Variants in SLC25A24 observed in about 807,000 individuals in gnomAD.
The protein encoded by SLC25A24 is mitochondrial adenyl nucleotide antiporter SLC25A24.
In SLC25A24, 49 loss-of-function variants were observed where a neutral mutation model predicts 60.7. The ratio of observed to expected loss-of-function variants is 0.81; its 90% CI spans 0.64 to 1.02. The LOEUF (loss-of-function observed/expected upper bound fraction) is 1.02, where lower values mean the gene tolerates loss of function less well. Ranked by LOEUF, SLC25A24 falls within the 50% of genes least tolerant of loss-of-function variation. The probability of loss-of-function intolerance (pLI) is 0.00; values close to 1 mark genes in which losing one functional copy is unlikely to be tolerated. For synonymous variants in SLC25A24, 202 were observed against 200.6 expected, an observed-to-expected ratio of 1.01 and a Z score of -0.06; for missense variants, 564 against 586.3, an observed-to-expected ratio of 0.96 and a Z score of 0.39.
Position 108,199,951 on chromosome 1 carries a change from C to T in SLC25A24, c.183+5G>A. 1 of 1,601,072 alleles carries T rather than the reference C, an allele frequency of 6.2e-7. No homozygotes were observed. The highest frequency in any genetic ancestry group is 8.5e-7 in the Non-Finnish European group (1 of 1,174,480). The stretch of plus-strand genomic sequence containing the variant: ...CGCTCAGGCGGCGCCCCGGCGGCGA[C>T]CCACCTCCTCGGCGTCCTGGCCCAG... On this transcript the variant is annotated splice_donor_5th_base_variant and intron_variant, in intron 1 of 9. Coordinates refer to ENST00000565488, the MANE Select transcript of SLC25A24 (RefSeq NM_013386.5).
intron 3 of SLC25A24, among the ~76,000 whole-genome samples, chr1:108,181,706 T>G (rs1446918737): frequency 1.3e-5 from 2 of 152,212 alleles, no homozygotes; most frequent in African/African-American, 2.4e-5. Flanking sequence ...CTTCCTGCCA[T>G]TCCACTATCC....
intron 1 of SLC25A24, chr1:108,198,642 T>C (rs946240129): frequency 2.6e-5 from 4 of 152,236 alleles, no homozygotes; most frequent in Admixed American, 2.0e-4. Context: ...CTCAAGCTTT[T>C]TGATCTCAGG....
At chr1:108,193,395 C>A (rs1648406321) in intron 1 of SLC25A24, among the ~76,000 whole-genome samples, 1 of 137,222 alleles carries the variant, frequency 7.3e-6, no homozygotes, top group Non-Finnish European at 1.6e-5. Flanking sequence ...GCCCCATTTA[C>A]CCAAGGTTTA....
chr1:108,144,692 G>C (rs866028448), intron 7 of SLC25A24, among the ~76,000 whole-genome samples: 7 of 152,088 alleles, frequency 4.6e-5, no homozygotes, highest in Non-Finnish European at 8.8e-5. Flanking sequence ...TTGGTTTTCT[G>C]TTCCTGTGTT....
At chr1:108,190,864 G>A (rs1463100138) in intron 1 of SLC25A24, among the ~76,000 whole-genome samples, 1 of 138,260 alleles carries the variant, frequency 7.2e-6, no homozygotes, top group Non-Finnish European at 1.6e-5. Context: ...TGTGTGGTTG[G>A]TGCAGAATTC....
chr1:108,189,546 G>A (rs1342840978), intron 1 of SLC25A24, among the ~76,000 whole-genome samples: 1 of 152,016 alleles, frequency 6.6e-6, no homozygotes, highest in Non-Finnish European at 1.5e-5. Context: ...GGCGCATGGT[G>A]GCTCACGCCT....
At chr1:108,180,698 A>G (rs942787797) in intron 3 of SLC25A24, among the ~76,000 whole-genome samples, 7 of 148,262 alleles carry the variant, frequency 4.7e-5, no homozygotes, top group Admixed American at 1.4e-4. Flanking sequence ...GAAGGGGTCT[A>G]TCTGCAAGCC....
At position 108,163,986 on chromosome 1, in the gene SLC25A24, A is replaced by C. The variant is rs1395062464; in HGVS notation, c.399-2693T>G. On this transcript the variant is annotated intron_variant, in intron 3 of 9. Transcript: ENST00000565488. ...ATCCCATCAATACCTAATTTATTGA[A>C]AGTTTTTAGCATGAAGTGTTGTTGA... 9.2e-5 allele frequency among the ~76,000 whole-genome samples: 14 copies of C among 152,150 alleles called. No homozygotes were observed. The East Asian group carries it at 2.5e-3, about 27-fold the overall frequency.
At chr1:108,161,877 T>A (rs10881509) in intron 3 of SLC25A24, among the ~76,000 whole-genome samples, 76,244 of 150,816 alleles carry the variant, frequency 0.51, 19,872 homozygotes, top group African/African-American at 0.63. Context: ...TACATGTGCC[T>A]TGCTGGTGCG....
intron 3 of SLC25A24, among the ~76,000 whole-genome samples, chr1:108,176,577 C>A (rs10881513): frequency 0.44 from 67,076 of 151,902 alleles, 14,998 homozygotes; most frequent in Middle Eastern, 0.59. Context: ...AGACATATTA[C>A]AATCAAACTA....
chr1:108,147,942 T>C (rs979461291), intron 7 of SLC25A24, among the ~76,000 whole-genome samples: 4 of 152,250 alleles, frequency 2.6e-5, no homozygotes, highest in South Asian at 2.1e-4. Flanking sequence ...GGAAGCCAGC[T>C]ACTGTGTTTT....
intron 5 of SLC25A24, among the ~76,000 whole-genome samples, chr1:108,157,144 A>G (rs939116436): frequency 6.6e-6 from 1 of 152,232 alleles, no homozygotes; most frequent in African/African-American, 2.4e-5. Context: ...TTGATAAAGT[A>G]TATTAAAAAG....
At chr1:108,157,689 G>C in intron 4 of SLC25A24, 69 bp from the exon 5 acceptor site, 1 of 1,531,262 alleles carries the variant, frequency 6.5e-7, no homozygotes, top group East Asian at 2.3e-5. Flanking sequence ...TTTTGTTTTA[G>C]AGAAGAATCA....
intron 7 of SLC25A24, among the ~76,000 whole-genome samples, chr1:108,144,076 AG>A (rs746720420): frequency 6.6e-6 from 1 of 152,142 alleles, no homozygotes; most frequent in Non-Finnish European, 1.5e-5. Context: ...GGCAGTGGGG[AG>A]TTGGGAAGGT....
chr1:108,178,683 G>C (rs547061174), intron 3 of SLC25A24, among the ~76,000 whole-genome samples: 1 of 151,772 alleles, frequency 6.6e-6, no homozygotes, highest in Middle Eastern at 3.2e-3. Flanking sequence ...GCGTGGTGGC[G>C]GGTGCCTGTA....
rs969811530 is a variant in SLC25A24 at position 108,139,175 on chromosome 1, T to C, written c.1132A>G (p.Lys378Glu). Residue 378 changes from lysine (K) to glutamate (E), a missense_variant, in exon 9 of 10, where the codon AAA (lysine) becomes GAA (glutamate). Transcript: ENST00000565488. ...LKSYWLDNFA[K>E]DSVNPGVMVL... ...ATGACTCCAGGGTTTACAGAATCTT[T>C]TGCAAAATTATCCAGCCAATAGGAC... 1 of 1,608,140 alleles carries C rather than the reference T, an allele frequency of 6.2e-7. No individual in the cohort carries two copies.
intron 2 of SLC25A24, 80 bp downstream of exon 2, chr1:108,185,748 A>T: frequency 9.5e-7 from 1 of 1,049,294 alleles, no homozygotes; most frequent in Non-Finnish European, 1.4e-6. Flanking sequence ...CAGAGAGATT[A>T]AATAAGCATC....
intron 8 of SLC25A24, among the ~76,000 whole-genome samples, chr1:108,142,756 A>C (rs183025353): frequency 0.011 from 1,623 of 152,288 alleles, 16 homozygotes; most frequent in Non-Finnish European, 0.015. Context: ...AAATTAGTAA[A>C]ATGGCAAATT....
chr1:108,149,124 G>A (rs1178148301), intron 6 of SLC25A24, among the ~76,000 whole-genome samples: 1 of 152,134 alleles, frequency 6.6e-6, no homozygotes, highest in East Asian at 1.9e-4. Flanking sequence ...ATTTTCACCA[G>A]TGCAAATAAA....
Sources: gnomAD v4.1 joint callset for allele counts (sites outside exome capture counted in the v4.1 genomes callset) on GRCh38, gnomAD v4.1.1 for gene constraint, MANE v1.5 for transcripts, NCBI Gene and HGNC (gene_info 2026-07-23, HGNC 2026-07-21) for gene names.